The following SNX29 variants were observed in gnomAD, a reference collection of about 807,000 sequenced individuals.
SNX29 encodes sorting nexin-29.
Under a neutral mutation model 102.1 loss-of-function variants are expected in SNX29, and 78 were observed. The observed-to-expected ratio is 0.76, with a 90% CI of 0.64 to 0.92. SNX29 has a LOEUF of 0.92. SNX29 is among the 40% of genes least tolerant of loss of function. The probability of loss-of-function intolerance (pLI) is 0.00; values close to 1 mark genes in which losing one functional copy is unlikely to be tolerated. For synonymous variants in SNX29, 580 were observed against 414.5 expected (o/e 1.40, Z -4.85); for missense variants, 1,280 against 1,061.7 (o/e 1.21, Z -2.86).
At chr16:12,540,790 G>A (rs185277954) in intron 20 of SNX29, among the ~76,000 whole-genome samples, 9 of 152,314 alleles carry the variant, frequency 5.9e-5, no homozygotes, top group Admixed American at 2.6e-4. Flanking sequence ...GGTGCTTGAG[G>A]ACTGCTCAAG....
At chr16:12,392,005 C>G (rs2151471676) in intron 16 of SNX29, among the ~76,000 whole-genome samples, 2 of 152,318 alleles carry the variant, frequency 1.3e-5, no homozygotes, top group Middle Eastern at 3.4e-3. Context: ...TCAGTGCCTT[C>G]CCTCAAAGGC....
chr16:12,043,900 G>A (rs959665), intron 5 of SNX29, among the ~76,000 whole-genome samples: 46,953 of 151,890 alleles, frequency 0.31, 8,365 homozygotes, highest in African/African-American at 0.48. Flanking sequence ...TTACAGGCCT[G>A]TGCCACCATA....
chr16:12,419,091 C>A (rs984595227), intron 18 of SNX29, among the ~76,000 whole-genome samples: 2 of 152,100 alleles, frequency 1.3e-5, no homozygotes, highest in African/African-American at 4.8e-5. Context: ...AAAATGTCTA[C>A]AGCGCCACCG....
At chr16:12,378,509 TGTG>T in intron 16 of SNX29, among the ~76,000 whole-genome samples, 1 of 152,038 alleles carries the variant, frequency 6.6e-6, no homozygotes, top group Non-Finnish European at 1.5e-5. Flanking sequence ...ATTAGCCGGG[TGTG>T]GTGATGTGTG....
chr16:12,565,470 A>G (rs1010776871), intron 20 of SNX29, among the ~76,000 whole-genome samples: 2 of 152,020 alleles, frequency 1.3e-5, no homozygotes, highest in African/African-American at 4.8e-5. Flanking sequence ...GTTCTCTCAA[A>G]CCATCACAGC....
At chr16:11,999,469 G>T in intron 2 of SNX29, 111 bp downstream of exon 2, 2 of 1,047,484 alleles carry the variant, frequency 1.9e-6, no homozygotes, top group Non-Finnish European at 1.4e-6. Context: ...TTTATACCTG[G>T]GAACAGTGAA....
chr16:12,461,941 G>A (rs1490904192), intron 18 of SNX29, among the ~76,000 whole-genome samples: 4 of 108,592 alleles, frequency 3.7e-5, no homozygotes, highest in Non-Finnish European at 5.2e-5. Flanking sequence ...GGGTGACAGA[G>A]CGAGACTCTG....
chr16:12,431,433 TC>T (rs1324274462), intron 18 of SNX29, among the ~76,000 whole-genome samples: 4 of 139,944 alleles, frequency 2.9e-5, no homozygotes, highest in Admixed American at 2.0e-4. Context: ...TTCTTCTTCT[TC>T]TTTTTTTTTT....
At chr16:12,158,132 G>T (rs2055631169) in intron 13 of SNX29, among the ~76,000 whole-genome samples, 1 of 151,666 alleles carries the variant, frequency 6.6e-6, no homozygotes, top group Admixed American at 6.6e-5. Flanking sequence ...AGGCTTGATT[G>T]CAGTGGCGCC....
At chr16:12,240,186 T>C (rs77653455) in intron 14 of SNX29, among the ~76,000 whole-genome samples, 5,958 of 152,308 alleles carry the variant, frequency 0.039, 421 homozygotes, top group African/African-American at 0.14. Flanking sequence ...GATCTTTATA[T>C]CCACATTTTA....
chr16:12,085,061 C>T (rs1005914366), intron 11 of SNX29, among the ~76,000 whole-genome samples: 1 of 151,822 alleles, frequency 6.6e-6, no homozygotes, highest in Non-Finnish European at 1.5e-5. Context: ...CAGGGCTAGA[C>T]CCGTCTCAAA....
chr16:12,265,132 A>G (rs1371564074), intron 14 of SNX29, among the ~76,000 whole-genome samples: 3 of 152,170 alleles, frequency 2.0e-5, no homozygotes, highest in Admixed American at 1.3e-4. Context: ...TGTAGAGTGC[A>G]GTTAGGGCCC....
At chr16:12,275,628 T>C (rs9930382) in intron 14 of SNX29, among the ~76,000 whole-genome samples, 11,554 of 152,110 alleles carry the variant, frequency 0.076, 1,458 homozygotes, top group African/African-American at 0.26. Context: ...TGTCAAGTTA[T>C]TTATCAGTCA....
chr16:12,425,550 A>T (rs970753457), intron 18 of SNX29, among the ~76,000 whole-genome samples: 4 of 86,210 alleles, frequency 4.6e-5, no homozygotes, highest in African/African-American at 1.1e-4. Context: ...AAAAATAAAA[A>T]AAATAAAAAG....
intron 18 of SNX29, among the ~76,000 whole-genome samples, chr16:12,446,807 G>C (rs1285219987): frequency 6.6e-6 from 1 of 152,104 alleles, no homozygotes; most frequent in Admixed American, 6.6e-5. Flanking sequence ...TTATTCACCT[G>C]TTTTATTAAC....
At chr16:12,563,690 C>T (rs1211668799) in intron 20 of SNX29, among the ~76,000 whole-genome samples, 1 of 152,178 alleles carries the variant, frequency 6.6e-6, no homozygotes, top group Admixed American at 6.5e-5. Context: ...TGGGGTCTGG[C>T]CTCATGTAAG....
At chr16:12,026,694 A>G (rs1209208541) in intron 3 of SNX29, among the ~76,000 whole-genome samples, 1 of 152,256 alleles carries the variant, frequency 6.6e-6, no homozygotes, top group Non-Finnish European at 1.5e-5. Context: ...GTATTCTCTT[A>G]CAACAGAATA....
At chr16:12,332,945 C>T (rs929106529) in intron 15 of SNX29, among the ~76,000 whole-genome samples, 2 of 151,950 alleles carry the variant, frequency 1.3e-5, no homozygotes, top group Non-Finnish European at 1.5e-5. Context: ...CACCCCTGCT[C>T]GTGCGGTTAG....
chr16:12,410,176 A>C (rs767519171), intron 18 of SNX29, among the ~76,000 whole-genome samples: 10 of 151,894 alleles, frequency 6.6e-5, no homozygotes, highest in Non-Finnish European at 1.2e-4. Context: ...TTGTAGTTTT[A>C]GTAGAGACAG....
Sources: allele counts gnomAD v4.1 joint callset (sites outside exome capture counted in the v4.1 genomes callset), GRCh38; gene constraint gnomAD v4.1.1; transcripts MANE v1.5; gene names NCBI Gene and HGNC (gene_info 2026-07-23, HGNC 2026-07-21).